ERC2: variants seen among roughly 807,000 people sequenced by gnomAD.
ERC2 encodes ERC protein 2.
Under a neutral mutation model 114.8 loss-of-function variants are expected in ERC2, and 42 were observed. The ratio of observed to expected loss-of-function variants is 0.37; its 90% confidence interval spans 0.29 to 0.47. The LOEUF (loss-of-function observed/expected upper bound fraction) is 0.47, where lower values mean the gene tolerates loss of function less well. ERC2 is among the 20% of genes least tolerant of loss of function. ERC2 has a pLI of 0.99. For synonymous variants in ERC2, 454 were observed against 425.5 expected, an observed-to-expected ratio of 1.07 and a Z score of -0.82; for missense variants, 939 against 1,150.7, an observed-to-expected ratio of 0.82 and a Z score of 2.66.
intron 17 of ERC2, among the ~76,000 whole-genome samples, chr3:55,580,661 T>A (rs556139555): frequency 6.6e-6 from 1 of 152,192 alleles, no homozygotes; most frequent in Admixed American, 6.5e-5. Flanking sequence ...ATTGACTTCA[T>A]ATATACACAT....
chr3:56,085,786 T>C (rs773149564), intron 6 of ERC2, among the ~76,000 whole-genome samples: 9 of 152,170 alleles, frequency 5.9e-5, no homozygotes, highest in Non-Finnish European at 1.2e-4. Context: ...GCAGTGGTTA[T>C]AAAGGGGTTA....
At chr3:55,682,265 A>T (rs1362636610) in intron 17 of ERC2, among the ~76,000 whole-genome samples, 2 of 152,064 alleles carry the variant, frequency 1.3e-5, no homozygotes, top group African/African-American at 4.8e-5. Flanking sequence ...ACTTCCTCAT[A>T]CTGACAAGCT....
chr3:55,590,547 G>A (rs545712083), intron 17 of ERC2, among the ~76,000 whole-genome samples: 4 of 152,330 alleles, frequency 2.6e-5, no homozygotes, highest in African/African-American at 9.6e-5. Flanking sequence ...TAGAATGGAT[G>A]CTGCATTAGA....
At chr3:56,314,699 C>G (rs2056782929) in intron 2 of ERC2, among the ~76,000 whole-genome samples, 1 of 152,098 alleles carries the variant, frequency 6.6e-6, no homozygotes, top group African/African-American at 2.4e-5. Flanking sequence ...TTTAAAGAGA[C>G]AGCAAATATT....
intron 14 of ERC2, among the ~76,000 whole-genome samples, chr3:55,755,932 A>G (rs2067026698): frequency 6.6e-6 from 1 of 152,222 alleles, no homozygotes; most frequent in Non-Finnish European, 1.5e-5. Flanking sequence ...GATACTAAGA[A>G]GAAACTAAGA....
intron 2 of ERC2, among the ~76,000 whole-genome samples, chr3:56,299,127 T>TTTTTTTTTTTTTTTTTTTTTG (rs2055676991): frequency 9.0e-6 from 1 of 110,830 alleles, no homozygotes; most frequent in African/African-American, 3.3e-5. Context: ...TTGTTTTTTT[T>TTTTTTTTTTTTTTTTTTTTTG]TTTGTTTGTT....
chr3:55,931,842 A>G (rs2066111979), intron 13 of ERC2, among the ~76,000 whole-genome samples: 2 of 152,142 alleles, frequency 1.3e-5, no homozygotes, highest in Non-Finnish European at 2.9e-5. Flanking sequence ...AGGTCCTTAC[A>G]TGAGTGTTGG....
At chr3:56,335,290 T>C (rs2057798172) in intron 2 of ERC2, among the ~76,000 whole-genome samples, 1 of 152,194 alleles carries the variant, frequency 6.6e-6, no homozygotes, top group Admixed American at 6.5e-5. Context: ...AACTGAAAAC[T>C]CACTTCCTCT....
chr3:55,610,995 T>C (rs2058888253), intron 17 of ERC2: 2 of 152,074 alleles, frequency 1.3e-5, no homozygotes, highest in South Asian at 4.1e-4. Flanking sequence ...GTGGAAGAGG[T>C]TGGTGTTATC....
chr3:55,751,697 A>G (rs1375170496), intron 14 of ERC2, among the ~76,000 whole-genome samples: 1 of 152,204 alleles, frequency 6.6e-6, no homozygotes, highest in Non-Finnish European at 1.5e-5. Context: ...AGGCCAAGTT[A>G]GTAACAGGAG....
chr3:56,202,264 T>C (rs2048450659), intron 3 of ERC2, among the ~76,000 whole-genome samples: 1 of 152,196 alleles, frequency 6.6e-6, no homozygotes, highest in Non-Finnish European at 1.5e-5. Context: ...TAAAAATTAT[T>C]CATGTTGAGG....
intron 1 of ERC2, among the ~76,000 whole-genome samples, chr3:56,450,497 A>G (rs550215121): frequency 2.0e-5 from 3 of 152,356 alleles, no homozygotes; most frequent in African/African-American, 7.2e-5. Flanking sequence ...GTAATAAACT[A>G]TTATCTAGTA....
intron 1 of ERC2, among the ~76,000 whole-genome samples, chr3:56,466,722 G>A (rs2063559110): frequency 6.6e-6 from 1 of 152,066 alleles, no homozygotes; most frequent in Admixed American, 6.5e-5. Context: ...CATAAAGAAC[G>A]TTTGCCGGCT....
intron 17 of ERC2, among the ~76,000 whole-genome samples, chr3:55,578,716 G>C (rs1440882832): frequency 2.0e-5 from 3 of 152,166 alleles, no homozygotes; most frequent in South Asian, 2.1e-4. Flanking sequence ...TGGGTGATAT[G>C]TCTTGTCTTG....
At chr3:56,101,615 A>C (rs376279751) in intron 6 of ERC2, among the ~76,000 whole-genome samples, 14 of 152,356 alleles carry the variant, frequency 9.2e-5, no homozygotes, top group East Asian at 3.9e-4. Context: ...CTCCCCAGCC[A>C]ACAGAATAGC....
intron 17 of ERC2, among the ~76,000 whole-genome samples, chr3:55,580,265 C>A (rs1444676487): frequency 2.0e-5 from 3 of 150,796 alleles, no homozygotes; most frequent in Non-Finnish European, 4.4e-5. Context: ...AAGCTTGAAT[C>A]CTACTGAGTT....
intron 13 of ERC2, among the ~76,000 whole-genome samples, chr3:55,921,881 T>C (rs977069461): frequency 3.3e-5 from 5 of 152,166 alleles, no homozygotes; most frequent in Non-Finnish European, 5.9e-5. Context: ...ACTGTTAATA[T>C]AACTAATAGT....
At chr3:55,884,374 A>G (rs1222367641) in intron 14 of ERC2, among the ~76,000 whole-genome samples, 1 of 152,238 alleles carries the variant, frequency 6.6e-6, no homozygotes, top group Non-Finnish European at 1.5e-5. Context: ...TTGCAAAGAT[A>G]TACACCAAAA....
chr3:55,551,196 A>G (rs182301104), intron 17 of ERC2, among the ~76,000 whole-genome samples: 74 of 151,980 alleles, frequency 4.9e-4, no homozygotes, highest in African/African-American at 1.7e-3. Context: ...ATACACACAC[A>G]TATATATATT....
Sources: gnomAD v4.1 joint callset for allele counts (sites outside exome capture counted in the v4.1 genomes callset) on GRCh38, gnomAD v4.1.1 for gene constraint, MANE v1.5 for transcripts, NCBI Gene and HGNC (gene_info 2026-07-23, HGNC 2026-07-21) for gene names.